Variants in SLC43A2 observed in about 807,000 individuals in gnomAD.
SLC43A2 encodes solute carrier family 43 member 2.
SLC43A2 carries 38 observed loss-of-function variants against 63.2 expected under a neutral mutation model. That is an observed-to-expected ratio of 0.60 (90% CI 0.46 to 0.79). SLC43A2 has a LOEUF of 0.79. Ranked by LOEUF, SLC43A2 falls within the 30% of genes least tolerant of loss-of-function variation. The pLI, the probability that SLC43A2 is intolerant of heterozygous loss-of-function variation, is 0.00. For synonymous variants in SLC43A2, 322 were observed against 331.0 expected, an observed-to-expected ratio of 0.97 and a Z score of 0.30; for missense variants, 644 against 756.2, an observed-to-expected ratio of 0.85 and a Z score of 1.74.
intron 10 of SLC43A2, chr17:1,585,435 C>A: frequency 6.1e-6 from 2 of 326,360 alleles, no homozygotes; most frequent in Admixed American, 8.9e-5. Context: ...TAGTAGAGAC[C>A]GGGTTTTACC....
chr17:1,575,637 G>C lies in SLC43A2; in HGVS notation c.1677C>G (p.Ile559Met). ...AGGCCTCCTGGTTGGACGAGCCGTT[G>C]ATTTTGAGGAAGAGTTTGTCATCCT... Reference protein sequence around the residue: ...RQEDDKLFLKINGSSNQEAFV With the variant: ...RQEDDKLFLKMNGSSNQEAFV The change falls in exon 14 of 14, where the codon ATC becomes ATG. Residue 559 changes from isoleucine to methionine, a missense_variant. By Grantham distance (10) the Ile-to-Met change is conservative. This residue lies in a region of SLC43A2 where 105 missense variants were observed against 101.7 expected (regional missense o/e 1.03). Transcript: ENST00000301335. The C allele has an allele frequency of 6.2e-7, 1 of 1,614,164 alleles. No individual in the cohort carries two copies. The highest frequency in any genetic ancestry group is 1.1e-5 in the South Asian group (1 of 91,088).
At chr17:1,609,751 C>A (rs1277971147) in intron 5 of SLC43A2, among the ~76,000 whole-genome samples, 1 of 150,846 alleles carries the variant, frequency 6.6e-6, no homozygotes, top group Non-Finnish European at 1.5e-5. Context: ...TAAGGCAGAT[C>A]TCTAAGTACT....
intron 5 of SLC43A2, among the ~76,000 whole-genome samples, chr17:1,595,296 G>GAA (rs1020116399): frequency 6.6e-6 from 1 of 150,930 alleles, no homozygotes; most frequent in African/African-American, 2.4e-5. Flanking sequence ...AAAAAAAAGA[G>GAA]AGAGAGAGAC....
rs1396867417 is a variant in SLC43A2, at chr17:1,593,709, TCCAGAAAGA to T, written c.502-439_502-431del. On this transcript the variant is annotated intron_variant, in intron 5 of 13. Transcript: ENST00000301335. This position sits in a 1 kb window ranked among gnomAD's most constrained non-coding sequence, Gnocchi z 5.3. Reference sequence around the variant, plus strand: ...ATTTTATAAATAAAAATATCAGCATTCCAGAAAGACCAGATGTCAGCAAAAACTGCTTTT... The same window carrying T: ...ATTTTATAAATAAAAATATCAGCATTCCAGATGTCAGCAAAAACTGCTTTT... Among the ~76,000 whole-genome samples, 1 of 152,250 alleles carries T rather than the reference TCCAGAAAGA, an allele frequency of 6.6e-6. No individual in the cohort carries two copies. The highest frequency in any genetic ancestry group is 1.9e-4 in the East Asian group (1 of 5,186).
At chr17:1,597,232 C>T (rs1195610765) in intron 5 of SLC43A2, among the ~76,000 whole-genome samples, 7 of 150,558 alleles carry the variant, frequency 4.6e-5, no homozygotes, top group African/African-American at 9.8e-5. Flanking sequence ...AGGCTGGGCA[C>T]GGTGGCTCAC....
At chr17:1,618,150 T>C (rs774563514) in intron 2 of SLC43A2, among the ~76,000 whole-genome samples, 8 of 152,114 alleles carry the variant, frequency 5.3e-5, no homozygotes, top group Admixed American at 3.3e-4. Flanking sequence ...TGCGCACAGG[T>C]GGACTCGTGC....
At chr17:1,614,941 C>T in intron 4 of SLC43A2, 38 bp downstream of exon 4, 1 of 1,608,656 alleles carries the variant, frequency 6.2e-7, no homozygotes, top group Non-Finnish European at 8.5e-7. Flanking sequence ...CACTCTCTCC[C>T]CGGTCCCTGA....
chr17:1,596,146 C>T (rs1402186838), intron 5 of SLC43A2, among the ~76,000 whole-genome samples: 3 of 151,926 alleles, frequency 2.0e-5, no homozygotes, highest in Admixed American at 6.6e-5. Context: ...TGGGGAAACC[C>T]TATCTCTACT....
At chr17:1,621,207 G>A (rs918897316) in intron 2 of SLC43A2, among the ~76,000 whole-genome samples, 1 of 152,112 alleles carries the variant, frequency 6.6e-6, no homozygotes, top group Non-Finnish European at 1.5e-5. Flanking sequence ...GGGTGCTGTG[G>A]CCCCCCAGGC....
rs1325558332 is a variant in SLC43A2, at chr17:1,574,686, GC to G, written c.*917del. On this transcript the variant is annotated 3_prime_UTR_variant, in exon 14 of 14. Transcript: ENST00000301335. ...ACGCCAGGATGGCTCCTGGGCACTG[GC>G]CCAGCTGCAGGCCTGGCGGCTCCCG... 2 of 152,342 alleles carry G rather than the reference GC, an allele frequency of 1.3e-5. No individual in the cohort carries two copies. Among genetic ancestry groups the G allele is most frequent in the African/African-American group, 4.8e-5 (2 of 41,466 alleles). 9.4% of individuals were successfully genotyped at this position (152,342 alleles called of 1,614,324 possible).
chr17:1,576,509 CCCTGAAGCCCCCGAGGGGGA>C (rs1289114481), intron 13 of SLC43A2, 68 bp downstream of exon 13: 1 of 1,421,442 alleles, frequency 7.0e-7, no homozygotes, highest in Non-Finnish European at 9.4e-7. Flanking sequence ...GTCCTCGGGG[CCCTGAAGCCCCCGAGGGGGA>C]CCTTGCAGCT....
rs141362967 is a variant in SLC43A2, at chr17:1,585,672, G to A, written c.1217+241C>T. ...CAAAGTGCTGGGATTACAGGCATGA[G>A]TCACCGCACCTGGCCTCAAACTTTA... On this transcript the variant is annotated intron_variant, in intron 10 of 13. Coordinates refer to ENST00000301335, the MANE Select transcript of SLC43A2 (RefSeq NM_152346.3). The A allele has an allele frequency of 1.0e-3, 1,470 of 1,435,496 alleles. 14 individuals carry two copies. The African/African-American group carries it at 0.019, about 18-fold the overall frequency. The allele number at this position is 1,435,496 out of a possible 1,614,324, so 88.9% of individuals were successfully genotyped here. A position where few individuals can be genotyped will look rare whatever the true frequency, so the allele number is the denominator to read the frequency against.
chr17:1,588,786 T>C (rs955775140), intron 9 of SLC43A2, among the ~76,000 whole-genome samples: 1 of 151,988 alleles, frequency 6.6e-6, no homozygotes, highest in Non-Finnish European at 1.5e-5. Flanking sequence ...CAACTCCTGT[T>C]TGATGGCGGG....
chr17:1,604,938 CCGGA>C, intron 5 of SLC43A2: 2 of 1,517,578 alleles, frequency 1.3e-6, no homozygotes, highest in Non-Finnish European at 1.8e-6. Flanking sequence ...AGCCGCGGTG[CCGGA>C]GTGAGGGCTG....
intron 4 of SLC43A2, 146 bp downstream of exon 4, chr17:1,614,829 GTAAC>G: frequency 1.4e-6 from 1 of 729,464 alleles, no homozygotes; most frequent in South Asian, 1.8e-5. Context: ...TTTGAGATAA[GTAAC>G]TGAGTAGAGG....
Position 1,606,957 on chromosome 17 carries a change from A to G in SLC43A2, c.501+6238T>C, listed in dbSNP as rs925954144. 2.6e-5 allele frequency among the ~76,000 whole-genome samples: 4 copies of G among 152,162 alleles called. No homozygotes were observed. Among genetic ancestry groups the G allele is most frequent in the African/African-American group, 4.8e-5 (2 of 41,446 alleles). The stretch of plus-strand genomic sequence containing the variant: ...TGCCGACCTCTTGGGCTCTGGAAGG[A>G]TGGCTCATGGCCATCTCCTTCTGGA... On this transcript the variant is annotated intron_variant, in intron 5 of 13. Coordinates refer to ENST00000301335, the MANE Select transcript of SLC43A2 (RefSeq NM_152346.3). The surrounding 1 kb of genome is among the most constrained non-coding windows in gnomAD (Gnocchi z 4.7).
intron 3 of SLC43A2, among the ~76,000 whole-genome samples, chr17:1,616,038 G>A (rs144369176): frequency 0.028 from 3,633 of 130,976 alleles, 61 homozygotes; most frequent in Non-Finnish European, 0.043. Context: ...GCAAGACTCC[G>A]TCTTGAAAAA....
Position 1,605,649 on chromosome 17 carries a change from G to A in SLC43A2, c.501+7546C>T, listed in dbSNP as rs1162082899. ...GGTGGGGGCTGGCATTCTGGCCCTC[G>A]GGTCCCCTCCAGAGGGAGCCTTGTC... On this transcript the variant is annotated intron_variant, in intron 5 of 13. Transcript: ENST00000301335. This position sits in a 1 kb window ranked among gnomAD's most constrained non-coding sequence, Gnocchi z 4.9. Among the ~76,000 whole-genome samples, 3 of 152,042 alleles carry A rather than the reference G, an allele frequency of 2.0e-5. No individual in the cohort carries two copies. The highest frequency in any genetic ancestry group is 2.1e-4 in the South Asian group (1 of 4,818).
intron 5 of SLC43A2, chr17:1,604,779 C>A: frequency 3.3e-6 from 5 of 1,535,810 alleles, no homozygotes; most frequent in Non-Finnish European, 4.4e-6. Flanking sequence ...CATGGTCCAG[C>A]GCCACAGCAT....
Sources: gnomAD v4.1 joint callset for allele counts (sites outside exome capture counted in the v4.1 genomes callset) on GRCh38, gnomAD v4.1.1 for gene constraint, gnomAD v4.1.1 regional missense constraint, Gnocchi (gnomAD v3.1) non-coding constraint, MANE v1.5 for transcripts, NCBI Gene and HGNC (gene_info 2026-07-23, HGNC 2026-07-21) for gene names.